CUBN: variants seen among roughly 807,000 people sequenced by gnomAD.
The protein encoded by CUBN is 460 kDa receptor.
CUBN carries 282 observed loss-of-function variants against 405.3 expected under a neutral mutation model. The observed-to-expected ratio is 0.70, with a 90% CI of 0.63 to 0.77. The LOEUF (loss-of-function observed/expected upper bound fraction) is 0.77, where lower values mean the gene tolerates loss of function less well. Ranked by LOEUF, CUBN falls within the 30% of genes least tolerant of loss-of-function variation. CUBN has a pLI of 0.00. For synonymous variants in CUBN, 1,684 were observed against 1,617.0 expected (o/e 1.04, Z -0.99); for missense variants, 4,514 against 4,475.2 (o/e 1.01, Z -0.25).
At chr10:16,933,887 T>C (rs1470851705) in intron 39 of CUBN, among the ~76,000 whole-genome samples, 2 of 152,218 alleles carry the variant, frequency 1.3e-5, no homozygotes, top group East Asian at 3.8e-4. Context: ...ACGGTTGTGA[T>C]GTGAAACAGC....
chr10:16,998,736 T>A (rs1833801969), intron 28 of CUBN, among the ~76,000 whole-genome samples: 1 of 152,232 alleles, frequency 6.6e-6, no homozygotes, highest in South Asian at 2.1e-4. Flanking sequence ...CTATTTGTCA[T>A]CTTGAGGTTT....
chr10:17,072,912 C>T lies in CUBN; in HGVS notation c.2302-941G>A, dbSNP rs113256734. Among the ~76,000 whole-genome samples, 107 of 152,138 alleles carry T rather than the reference C, an allele frequency of 7.0e-4. 1 individual carries two copies. The highest frequency in any genetic ancestry group is 2.3e-3 in the African/African-American group (96 of 41,522). On this transcript the variant is annotated intron_variant, in intron 17 of 66. Transcript: ENST00000377833. ...AGAAGAAAAATAAGATTTGAACAGA[C>T]ATAAGTCATAAATAAAATTGAAAAC...
chr10:16,886,607 C>T (rs554894104), intron 56 of CUBN, among the ~76,000 whole-genome samples: 6 of 152,282 alleles, frequency 3.9e-5, no homozygotes, highest in East Asian at 3.9e-4. Flanking sequence ...CAGCCCAAAT[C>T]GGCATCTCTA....
intron 54 of CUBN, among the ~76,000 whole-genome samples, chr10:16,893,663 C>A (rs1393355965): frequency 1.3e-5 from 2 of 152,140 alleles, no homozygotes; most frequent in African/African-American, 4.8e-5. Flanking sequence ...TTGGCATAAT[C>A]CCTCAGTGAT....
intron 31 of CUBN, among the ~76,000 whole-genome samples, chr10:16,960,361 G>A (rs961509499): frequency 6.6e-6 from 1 of 151,994 alleles, no homozygotes; most frequent in Non-Finnish European, 1.5e-5. Context: ...GCGTAGTGAC[G>A]TGTGCCTGTA....
intron 28 of CUBN, among the ~76,000 whole-genome samples, chr10:17,013,185 T>C (rs986660517): frequency 6.6e-6 from 1 of 152,144 alleles, no homozygotes; most frequent in Non-Finnish European, 1.5e-5. Flanking sequence ...TCTCTTTGAC[T>C]CCTTTGTCTC....
intron 34 of CUBN, among the ~76,000 whole-genome samples, chr10:16,949,451 GTGTGTGTGTGTGT>G (rs1842868837): frequency 1.2e-5 from 1 of 85,424 alleles, no homozygotes; most frequent in Non-Finnish European, 3.0e-5. Context: ...GTGTGTGTGT[GTGTGTGTGTGTGT>G]AGTGTGTGTG....
chr10:17,059,046 G>A (rs929506727), intron 22 of CUBN, among the ~76,000 whole-genome samples: 2 of 151,058 alleles, frequency 1.3e-5, no homozygotes, highest in African/African-American at 2.4e-5. Context: ...ACTAGCAATG[G>A]AAAAGCACAT....
rs1033954549 is a variant in CUBN at position 16,939,905 on chromosome 10, CAA to C, written c.5548+125_5548+126del. The C allele has an allele frequency of 6.7e-5, 61 of 912,696 alleles. No individual in the cohort carries two copies. In the African/African-American group the frequency reaches 9.2e-4, roughly 14 times the overall value. The allele number at this position is 912,696 out of a possible 1,614,324, so 56.5% of individuals were successfully genotyped here. ...TTCTAATATGTTATAAGGTAATTCACAAAGACAATGTAGGAAAATAGTGTAGA... is the reference window on the plus strand; with the variant it reads ...TTCTAATATGTTATAAGGTAATTCACAGACAATGTAGGAAAATAGTGTAGA... On this transcript the variant is annotated intron_variant, in intron 37 of 66. Transcript: ENST00000377833.
At chr10:17,093,805 G>C (rs1836316585) in intron 14 of CUBN, among the ~76,000 whole-genome samples, 1 of 152,026 alleles carries the variant, frequency 6.6e-6, no homozygotes, top group Non-Finnish European at 1.5e-5. Flanking sequence ...GGAAAAGGTT[G>C]ACAAAATAGT....
chr10:17,100,631 T>C (rs533231574), intron 13 of CUBN, among the ~76,000 whole-genome samples: 14 of 152,194 alleles, frequency 9.2e-5, no homozygotes, highest in African/African-American at 3.1e-4. Context: ...TTCACAAGAA[T>C]GTACACCCTA....
chr10:17,074,108 C>T (rs1225443508), intron 17 of CUBN, among the ~76,000 whole-genome samples: 1 of 152,166 alleles, frequency 6.6e-6, no homozygotes, highest in African/African-American at 2.4e-5. Context: ...ACTTCATTAA[C>T]ATTATCAAGG....
In CUBN at chr10:16,829,037, C is replaced by T; in HGVS notation, c.10532G>A (p.Cys3511Tyr). The T allele has an allele frequency of 6.2e-7, 1 of 1,613,260 alleles. No homozygotes were observed. Among genetic ancestry groups the T allele is most frequent in the Non-Finnish European group, 8.5e-7 (1 of 1,179,378 alleles). ...EIIWTSSPSG[C>Y]GGTLYGDRGS... ...TCTGTCTCCATAAAGAGTTCCACCA[C>T]ATCCTGCAAGGAAAACAGGACAGGA... The change falls in exon 66 of 67, where the codon TGT (cysteine) becomes TAT (tyrosine). Residue 3511 changes from cysteine to tyrosine, a missense_variant. Cys to Tyr is a radical substitution (Grantham distance 194). Around this residue, in one of 5 missense-constraint regions of CUBN, gnomAD observed 1,186 missense variants for 1,186.9 expected, o/e 1.00. Transcript: ENST00000377833.
intron 28 of CUBN, among the ~76,000 whole-genome samples, chr10:17,016,715 T>C (rs1329169366): frequency 6.6e-6 from 1 of 152,124 alleles, no homozygotes; most frequent in Non-Finnish European, 1.5e-5. Context: ...CTTGGAGATT[T>C]CTTTGCTTAT....
Position 16,890,233 on chromosome 10 carries a change from T to G in CUBN, c.8755+138A>C, listed in dbSNP as rs1840962907. On this transcript the variant is annotated intron_variant, in intron 55 of 66. Coordinates refer to ENST00000377833, the MANE Select transcript of CUBN (RefSeq NM_001081.4). ...CACTGCTATTTGGAAGAAAGGTGTCTTCTTGGGATTAGGTGACTCATCCTC... is the reference window on the plus strand; with the variant it reads ...CACTGCTATTTGGAAGAAAGGTGTCGTCTTGGGATTAGGTGACTCATCCTC... 8.8e-6 allele frequency: 7 copies of G among 792,310 alleles called. No individual in the cohort carries two copies. In the Admixed American group the frequency reaches 1.4e-4, roughly 15 times the overall value. The allele number at this position is 792,310 out of a possible 1,614,324, so 49.1% of individuals were successfully genotyped here.
intron 51 of CUBN, among the ~76,000 whole-genome samples, chr10:16,902,442 A>AT (rs1841424311): frequency 1.3e-5 from 2 of 150,652 alleles, no homozygotes; most frequent in Admixed American, 1.3e-4. Context: ...ACAAAATTCC[A>AT]TACGGTATTA....
At chr10:16,844,095 C>A (rs1334720646) in intron 60 of CUBN, among the ~76,000 whole-genome samples, 1 of 152,106 alleles carries the variant, frequency 6.6e-6, no homozygotes, top group East Asian at 1.9e-4. Context: ...AATGGAGAAA[C>A]CCCATCTCTA....
At chr10:16,958,465 G>A (rs1401459628) in intron 31 of CUBN, among the ~76,000 whole-genome samples, 1 of 152,172 alleles carries the variant, frequency 6.6e-6, no homozygotes, top group African/African-American at 2.4e-5. Flanking sequence ...GGCAGAGGTT[G>A]CAGTGAGCTG....
At chr10:16,948,007 G>C (rs1225824928) in intron 35 of CUBN, among the ~76,000 whole-genome samples, 1 of 152,164 alleles carries the variant, frequency 6.6e-6, no homozygotes, top group Non-Finnish European at 1.5e-5. Context: ...TCAGGAGTTT[G>C]AGACCAGTCT....
Sources: allele counts gnomAD v4.1 joint callset (sites outside exome capture counted in the v4.1 genomes callset), GRCh38; gene constraint gnomAD v4.1.1; regional missense constraint gnomAD v4.1.1; transcripts MANE v1.5; gene names NCBI Gene and HGNC (gene_info 2026-07-23, HGNC 2026-07-21).